TMIGD3: variants seen among roughly 807,000 people sequenced by gnomAD.
The protein encoded by TMIGD3 is AD026 protein (AD026).
TMIGD3 carries 21 observed loss-of-function variants against 28.1 expected under a neutral mutation model. The observed-to-expected ratio is 0.75, with a 90% CI of 0.53 to 1.08. The LOEUF is 1.08. Among genes scored for constraint, TMIGD3 ranks in the 50% least tolerant of loss-of-function variants. TMIGD3 has a pLI of 0.00. For synonymous variants in TMIGD3, 151 were observed against 162.1 expected, an observed-to-expected ratio of 0.93 and a Z score of 0.52; for missense variants, 416 against 435.6, an observed-to-expected ratio of 0.96 and a Z score of 0.40.
chr1:111,494,376 A>G (rs1231257336), intron 1 of TMIGD3, among the ~76,000 whole-genome samples: 3 of 152,258 alleles, frequency 2.0e-5, no homozygotes, highest in African/African-American at 7.2e-5. Flanking sequence ...TCAGAAAACA[A>G]AATCAATGTG....
chr1:111,504,400 TC>T (rs1486798651), upstream of TMIGD3, among the ~76,000 whole-genome samples: 1 of 152,032 alleles, frequency 6.6e-6, no homozygotes, highest in East Asian at 1.9e-4. Flanking sequence ...CTCAGCCCCA[TC>T]CCCGCAGGAA....
intron 2 of TMIGD3, 140 bp from the exon 3 acceptor site, chr1:111,489,164 A>G: frequency 2.6e-6 from 2 of 777,160 alleles, no homozygotes; most frequent in African/African-American, 1.7e-5. Flanking sequence ...ATTGGCAACT[A>G]TTATGGGCTG....
intron 1 of TMIGD3, among the ~76,000 whole-genome samples, chr1:111,498,322 C>G (rs138231898): frequency 3.4e-4 from 52 of 152,300 alleles, no homozygotes; most frequent in African/African-American, 1.1e-3. Context: ...GAGTTCACAG[C>G]AGCAAATTTG....
chr1:111,505,440 T>C (rs1244851769), upstream of TMIGD3, among the ~76,000 whole-genome samples: 2 of 152,206 alleles, frequency 1.3e-5, no homozygotes, highest in Non-Finnish European at 2.9e-5. Flanking sequence ...GCACATACCA[T>C]GGGGGTTTCT....
intron 2 of TMIGD3, chr1:111,489,453 G>C (rs1459604572): frequency 3.1e-6 from 2 of 649,690 alleles, no homozygotes; most frequent in African/African-American, 4.0e-5. Flanking sequence ...CAAATGCCTC[G>C]ATCTTGAACT....
chr1:111,500,358 G>T, intron 1 of TMIGD3: 1 of 1,614,218 alleles, frequency 6.2e-7, no homozygotes, highest in South Asian at 1.1e-5. Flanking sequence ...AAATCCAGGT[G>T]AGGAAGCTGA....
At chr1:111,500,139 A>G (rs1655090331) in intron 1 of TMIGD3, 1 of 1,614,192 alleles carries the variant, frequency 6.2e-7, no homozygotes. Flanking sequence ...GTACCTCACC[A>G]TTAAAGTAGA....
At chr1:111,529,060 G>T (rs977139355) in intron 1 of TMIGD3, among the ~76,000 whole-genome samples, 11 of 151,668 alleles carry the variant, frequency 7.3e-5, no homozygotes, top group Non-Finnish European at 4.4e-5. Context: ...GTGGTGATAG[G>T]AGACATTCTT....
chr1:111,561,773 G>T (rs966452086), intron 1 of TMIGD3, among the ~76,000 whole-genome samples: 7 of 152,066 alleles, frequency 4.6e-5, no homozygotes, highest in African/African-American at 1.7e-4. Flanking sequence ...CGTATAATTG[G>T]AAGAGGGCCC....
At chr1:111,507,025 GTGTGTGTGTGTGTGTATATA>G (rs1557827933), upstream of TMIGD3, among the ~76,000 whole-genome samples, 1 of 35,484 alleles carries the variant, frequency 2.8e-5, no homozygotes, top group Non-Finnish European at 8.5e-5. Context: ...GTGTGTGTGT[GTGTGTGTGTGTGTGTATATA>G]TATATATATA....
At position 111,555,362 on chromosome 1, in the gene TMIGD3, T is replaced by TAAAAA. The variant is rs397981230; in HGVS notation, c.107+8479_107+8483dup. Among the ~76,000 whole-genome samples, 109 of 47,628 alleles carry TAAAAA rather than the reference T, an allele frequency of 2.3e-3. 7 individuals are homozygous for TAAAAA. The East Asian group carries it at 0.025, about 11-fold the overall frequency. The allele number at this position is 47,628 out of a possible 152,430, so 31.2% of individuals were successfully genotyped here. A position where few individuals can be genotyped will look rare whatever the true frequency, so the allele number is the denominator to read the frequency against. On this transcript the variant is annotated intron_variant, in intron 1 of 5. Coordinates refer to the TMIGD3 transcript ENST00000369717. ...GCCTGGGTGACAGACTGAGACTCTG[T>TAAAAA]AAAAAAAAAAAAAAAAAAAAAAAAA...
chr1:111,488,794 T>C lies in TMIGD3; in HGVS notation c.688A>G (p.Thr230Ala). The change falls in exon 3 of 6, where the codon ACG (threonine) becomes GCG (alanine). Residue 230 changes from threonine to alanine, a missense_variant. Physicochemically the swap from Thr to Ala is moderately conservative, Grantham distance 58 (BLOSUM62 0). Coordinates refer to ENST00000369716, the MANE Select transcript of TMIGD3 (RefSeq NM_020683.7). ...TGGATGCCACACCAGTACCAGCCCG[T>C]GTCCTCTTTGGTCAGGCAGGACATA... ...VTMSCLTKED[T>A]GWYWCGIQRD... The C allele has an allele frequency of 6.2e-7, 1 of 1,614,234 alleles. No individual in the cohort carries two copies. The highest frequency in any genetic ancestry group is 8.5e-7 in the Non-Finnish European group (1 of 1,180,044).
intron 1 of TMIGD3, among the ~76,000 whole-genome samples, chr1:111,520,846 G>A (rs1403927438): frequency 2.0e-5 from 3 of 152,200 alleles, no homozygotes; most frequent in African/African-American, 7.2e-5. Flanking sequence ...CTTTATTGAA[G>A]TCTAATTAGC....
intron 3 of TMIGD3, among the ~76,000 whole-genome samples, chr1:111,487,525 A>G (rs1447900666): frequency 6.6e-6 from 1 of 152,066 alleles, no homozygotes; most frequent in East Asian, 1.9e-4. Flanking sequence ...AAAAAGGAAG[A>G]AAGAAAGGCT....
At chr1:111,491,152 C>G (rs1654640394) in intron 1 of TMIGD3, among the ~76,000 whole-genome samples, 1 of 152,214 alleles carries the variant, frequency 6.6e-6, no homozygotes, top group Non-Finnish European at 1.5e-5. Flanking sequence ...GAGAGGAATC[C>G]TAGTAATCAG....
chr1:111,562,148 G>A (rs907911831), intron 1 of TMIGD3, among the ~76,000 whole-genome samples: 1 of 151,920 alleles, frequency 6.6e-6, no homozygotes, highest in Admixed American at 6.6e-5. Flanking sequence ...TTTTCTTGTG[G>A]GCAACGTGGA....
chr1:111,555,574 C>T (rs1030953996), intron 1 of TMIGD3, among the ~76,000 whole-genome samples: 7 of 151,718 alleles, frequency 4.6e-5, no homozygotes, highest in African/African-American at 1.7e-4. Flanking sequence ...ATGGAAACTA[C>T]AAAATATTAA....
intron 5 of TMIGD3, among the ~76,000 whole-genome samples, chr1:111,484,201 G>A (rs1172607678): frequency 6.6e-6 from 1 of 152,160 alleles, no homozygotes; most frequent in Non-Finnish European, 1.5e-5. Context: ...TTACATTTGG[G>A]TGTTGATGTG....
chr1:111,559,575 T>C (rs1205178824), intron 1 of TMIGD3, among the ~76,000 whole-genome samples: 1 of 152,224 alleles, frequency 6.6e-6, no homozygotes, highest in Non-Finnish European at 1.5e-5. Flanking sequence ...TCATAATTTC[T>C]ATCCTATCTA....
Sources: allele counts gnomAD v4.1 joint callset (sites outside exome capture counted in the v4.1 genomes callset), GRCh38; gene constraint gnomAD v4.1.1; transcripts MANE v1.5; gene names NCBI Gene and HGNC (gene_info 2026-07-23, HGNC 2026-07-21).